DBP: variants seen among roughly 807,000 people sequenced by gnomAD.
DBP encodes D-box binding PAR bZIP transcription factor.
DBP carries 12 observed loss-of-function variants against 21.4 expected under a neutral mutation model. The ratio of observed to expected loss-of-function variants is 0.56; its 90% CI spans 0.36 to 0.91. The LOEUF is 0.91. DBP is among the 40% of genes least tolerant of loss of function. The probability of loss-of-function intolerance (pLI) is 0.01; values close to 1 mark genes in which losing one functional copy is unlikely to be tolerated. For missense variants in DBP, 423 were observed against 473.4 expected, an observed-to-expected ratio of 0.89 and a Z score of 0.99; for synonymous variants, 213 against 224.9, an observed-to-expected ratio of 0.95 and a Z score of 0.47.
chr19:48,631,843 T>A (rs981009586), intron 3 of DBP: 12 of 151,996 alleles, frequency 7.9e-5, no homozygotes, highest in African/African-American at 2.7e-4. Context: ...TTCCTGCTTG[T>A]GAGGGTAAAT....
rs2030833776 is a variant in DBP, at chr19:48,636,966, G to A, written c.29C>T (p.Pro10Leu). The change falls in exon 1 of 4, where the codon CCG (proline) becomes CTG (leucine). Residue 10 changes from proline to leucine, a missense_variant. Around this residue, in one of 4 missense-constraint regions of DBP, gnomAD observed 283 missense variants for 273.7 expected, o/e 1.03. Coordinates refer to ENST00000222122, the MANE Select transcript of DBP (RefSeq NM_001352.5). MARPVSDRT[P>L]APLLLGGPAG... ...CGGGCCGCCCAGCAGCAGAGGGGCCGGGGTCCTGTCGCTCACAGGCCGCGC... is the reference window on the plus strand; with the variant it reads ...CGGGCCGCCCAGCAGCAGAGGGGCCAGGGTCCTGTCGCTCACAGGCCGCGC... 6.5e-7 allele frequency: 1 copy of A among 1,534,558 alleles called. No homozygotes were observed. The highest frequency in any genetic ancestry group is 8.7e-7 in the Non-Finnish European group (1 of 1,143,272).
Position 48,637,160 on chromosome 19 carries a change from G to A in DBP, c.-166C>T, listed in dbSNP as rs1048508752. 5.3e-5 allele frequency: 31 copies of A among 585,276 alleles called. No individual in the cohort carries two copies. The highest frequency in any genetic ancestry group is 4.6e-4 in the Middle Eastern group (1 of 2,168). 36.3% of individuals were successfully genotyped at this position (585,276 alleles called of 1,614,324 possible). On this transcript the variant is annotated 5_prime_UTR_variant, in exon 1 of 4. Transcript: ENST00000222122. The stretch of plus-strand genomic sequence containing the variant: ...ACGCTGCAAATCCTAGGAGCGACGG[G>A]GATTTGAGGTCCTCGGTGCAGAAAC...
intron 3 of DBP, 78 bp from the exon 4 acceptor site, chr19:48,631,130 C>A (rs1462023618): frequency 1.5e-6 from 2 of 1,352,068 alleles, no homozygotes; most frequent in South Asian, 1.3e-5. Context: ...GCCCCAGCAG[C>A]GGGGCCTAAA....
chr19:48,633,143 T>G, intron 3 of DBP: 1 of 578,928 alleles, frequency 1.7e-6, no homozygotes, highest in Non-Finnish European at 3.1e-6. Flanking sequence ...AATGGGGTTT[T>G]GCCATGTTGC....
intron 1 of DBP, 86 bp downstream of exon 1, chr19:48,636,770 G>A (rs900073601): frequency 6.0e-6 from 9 of 1,495,424 alleles, no homozygotes; most frequent in Non-Finnish European, 7.2e-6. Context: ...CCCGCACGCA[G>A]GTTTCTATGG....
In DBP at chr19:48,635,806, C is replaced by T; in HGVS notation, c.324G>A (p.Thr108=). 7.0e-7 allele frequency: 1 copy of T among 1,434,524 alleles called. No homozygotes were observed. Among genetic ancestry groups the T allele is most frequent in the South Asian group, 1.4e-5 (1 of 70,934 alleles). The allele number at this position is 1,434,524 out of a possible 1,614,324, so 88.9% of individuals were successfully genotyped here. The change falls in exon 2 of 4, where the codon ACG becomes ACA. Residue 108 remains threonine (T), a synonymous_variant. Transcript: ENST00000222122. ...GLLAPLLWER[T]LPFGDVEYVD... is the part of the protein sequence containing the mutation. ...CGTACTCCACATCGCCGAACGGCAG[C>T]GTGCGCTCCCACAGCAGTGGCGCCA...
chr19:48,636,206 TCA>T (rs2030791076), intron 1 of DBP, among the ~76,000 whole-genome samples: 1 of 151,624 alleles, frequency 6.6e-6, no homozygotes, highest in South Asian at 2.1e-4. Flanking sequence ...GTGGACAGAT[TCA>T]CAGAGATGGG....
chr19:48,637,068 C>A lies in DBP; in HGVS notation c.-74G>T. ...CTGGCCTGCCAGTCACCAGCACACT[C>A]CAGTGGTTTGGACGAGTGTCTGCCC... is the stretch of plus-strand genomic sequence containing the variant. On this transcript the variant is annotated 5_prime_UTR_variant, in exon 1 of 4. Transcript: ENST00000222122. The A allele has an allele frequency of 7.3e-7, 1 of 1,361,352 alleles. No homozygotes were observed. Among genetic ancestry groups the A allele is most frequent in the Non-Finnish European group, 9.6e-7 (1 of 1,036,812 alleles). 84.3% of individuals were successfully genotyped at this position (1,361,352 alleles called of 1,614,324 possible). A position where few individuals can be genotyped will look rare whatever the true frequency, so the allele number is the denominator to read the frequency against.
rs1202454703 is a variant in DBP at position 48,635,827 on chromosome 19, C to T, written c.303G>A (p.Ala101=). The change falls in exon 2 of 4, where the codon GCG becomes GCA. Residue 101 remains alanine (A), a synonymous_variant. Coordinates refer to ENST00000222122, the MANE Select transcript of DBP (RefSeq NM_001352.5). The part of the protein sequence containing the change: ...PGPVPAPGLL[A]PLLWERTLPF... The stretch of plus-strand genomic sequence containing the variant: ...GCAGCGTGCGCTCCCACAGCAGTGG[C>T]GCCAACAGACCCGGGGCGGGCACCG... 7.7e-6 allele frequency: 11 copies of T among 1,425,884 alleles called. No individual in the cohort carries two copies. The highest frequency in any genetic ancestry group is 9.1e-6 in the Non-Finnish European group (10 of 1,098,772). 88.3% of individuals were successfully genotyped at this position (1,425,884 alleles called of 1,614,324 possible).
rs1328833271 is a variant in DBP at position 48,630,684 on chromosome 19, C to A, written c.*153G>T. 1 of 1,426,808 alleles carries A rather than the reference C, an allele frequency of 7.0e-7. No individual in the cohort carries two copies. The highest frequency in any genetic ancestry group is 1.4e-5 in the South Asian group (1 of 70,708). The allele number at this position is 1,426,808 out of a possible 1,614,324, so 88.4% of individuals were successfully genotyped here. ...CCCCGCAAGGGAGGGGGGAGGCTCG[C>A]TTTTTCTTAAAAATATAAATGTATT... On this transcript the variant is annotated 3_prime_UTR_variant, in exon 4 of 4. Transcript: ENST00000222122. The surrounding 1 kb of genome is among the most constrained non-coding windows in gnomAD (Gnocchi z 4.9).
In DBP at chr19:48,631,011, T is replaced by A. The variant is rs748089102; in HGVS notation, c.804A>T (p.Ala268=). ...GCCGGGCGTCACGGGACCGCTTGGC[T>A]GCCTCGTTGTTCTTGTACCGCCGGC... The part of the protein sequence containing the change: ...YWSRRYKNNE[A]AKRSRDARRL... Residue 268 remains alanine, a synonymous_variant, in exon 4 of 4, where the codon GCA becomes GCT. Coordinates refer to ENST00000222122, the MANE Select transcript of DBP (RefSeq NM_001352.5). 8 of 1,613,710 alleles carry A rather than the reference T, an allele frequency of 5.0e-6. No individual in the cohort carries two copies. The Admixed American group carries it at 1.3e-4, about 27-fold the overall frequency.
chr19:48,633,667 A>G lies in DBP; in HGVS notation c.551-12T>C. 1 of 1,610,656 alleles carries G rather than the reference A, an allele frequency of 6.2e-7. No homozygotes were observed. Among genetic ancestry groups the G allele is most frequent in the Non-Finnish European group, 8.5e-7 (1 of 1,177,342 alleles). On this transcript the variant is annotated splice_polypyrimidine_tract_variant and intron_variant, in intron 2 of 3. Transcript: ENST00000222122. ...CCGAGAGGTCAGGCCTTGGGGAAAC[A>G]GCACGTGTCAGCTGAGTGTGTATTT...
In DBP at chr19:48,631,469, T is replaced by C. The variant is rs79550491; in HGVS notation, c.763-417A>G. On this transcript the variant is annotated intron_variant, in intron 3 of 3. Transcript: ENST00000222122. Reference sequence around the variant, plus strand: ...GGTTGCTAAGGAAAGCTTGGTGCCCTGGTGATGGGGTTTGGTGTCCCATAA... The same window carrying C: ...GGTTGCTAAGGAAAGCTTGGTGCCCCGGTGATGGGGTTTGGTGTCCCATAA... The C allele has an allele frequency of 3.2e-3, 539 of 169,242 alleles. 14 individuals are homozygous for C. Among genetic ancestry groups the C allele is most frequent in the East Asian group, 0.018 (109 of 5,942 alleles). 10.5% of individuals were successfully genotyped at this position (169,242 alleles called of 1,614,324 possible).
intron 2 of DBP, 78 bp from the exon 3 acceptor site, chr19:48,633,733 C>T: frequency 8.2e-7 from 1 of 1,223,004 alleles, no homozygotes; most frequent in Non-Finnish European, 1.2e-6. Flanking sequence ...GCTGTGGTAT[C>T]ATAGCCACAT....
At position 48,637,174 on chromosome 19, in the gene DBP, C is replaced by A; in HGVS notation, c.-180G>T. 1 of 552,330 alleles carries A rather than the reference C, an allele frequency of 1.8e-6. No individual in the cohort carries two copies. Among genetic ancestry groups the A allele is most frequent in the Non-Finnish European group, 3.1e-6 (1 of 324,958 alleles). 34.2% of individuals were successfully genotyped at this position (552,330 alleles called of 1,614,324 possible). A position where few individuals can be genotyped will look rare whatever the true frequency, so the allele number is the denominator to read the frequency against. ...AGGAGCGACGGGGATTTGAGGTCCT[C>A]GGTGCAGAAACGTGCAACTCAAGAG... On this transcript the variant is annotated 5_prime_UTR_variant, in exon 1 of 4. Transcript: ENST00000222122.
chr19:48,634,708 G>T (rs896335511), intron 2 of DBP: 40 of 985,424 alleles, frequency 4.1e-5, no homozygotes, highest in Non-Finnish European at 4.7e-5. Context: ...CGTGGCGCAG[G>T]AATGTGCCGC....
At chr19:48,634,969 G>C (rs2030730244) in intron 2 of DBP, 1 of 985,602 alleles carries the variant, frequency 1.0e-6, no homozygotes, top group South Asian at 4.7e-5. Flanking sequence ...TGGGATCCCA[G>C]GCCTCTCCTA....
At position 48,635,998 on chromosome 19, in the gene DBP, C is replaced by T; in HGVS notation, c.140-8G>A. 1 of 1,504,088 alleles carries T rather than the reference C, an allele frequency of 6.6e-7. No homozygotes were observed. The highest frequency in any genetic ancestry group is 2.7e-5 in the East Asian group (1 of 36,972). The allele number at this position is 1,504,088 out of a possible 1,614,324, so 93.2% of individuals were successfully genotyped here. ...CCTTTTCCTTCAGGAGACCTGCGGG[C>T]CGGGAAAGACGGGTTGGGATGAGGG... On this transcript the variant is annotated splice_region_variant and splice_polypyrimidine_tract_variant and intron_variant, in intron 1 of 3. Transcript: ENST00000222122.
At chr19:48,633,002 C>T (rs1274002039) in intron 3 of DBP, 1 of 277,906 alleles carries the variant, frequency 3.6e-6, no homozygotes, top group Non-Finnish European at 6.9e-6. Flanking sequence ...GTGACACTGT[C>T]TTTTGTTTTA....
Sources: allele counts gnomAD v4.1 joint callset (sites outside exome capture counted in the v4.1 genomes callset), GRCh38; gene constraint gnomAD v4.1.1; regional missense constraint gnomAD v4.1.1; non-coding constraint Gnocchi (gnomAD v3.1); transcripts MANE v1.5; gene names NCBI Gene and HGNC (gene_info 2026-07-23, HGNC 2026-07-21).